The following EYS variants were observed in gnomAD, a reference collection of about 807,000 sequenced individuals.
EYS encodes the protein EGF-like photoreceptor maintenance factor, also known as protein eyes shut homolog.
In EYS, 250 loss-of-function variants were observed where a neutral mutation model predicts 282.1. That is an observed-to-expected ratio of 0.89 (90% CI 0.80 to 0.98). The LOEUF (loss-of-function observed/expected upper bound fraction) is 0.98, where lower values mean the gene tolerates loss of function less well. Among genes scored for constraint, EYS ranks in the 50% least tolerant of loss-of-function variants. EYS has a pLI of 0.00. For synonymous variants in EYS, 1,355 were observed against 1,282.9 expected (o/e 1.06, Z -1.20); for missense variants, 4,016 against 3,709.0 (o/e 1.08, Z -2.15).
chr6:65,615,637 A>C (rs986934490), intron 2 of EYS, among the ~76,000 whole-genome samples: 13 of 152,188 alleles, frequency 8.5e-5, no homozygotes, highest in African/African-American at 3.1e-4. Flanking sequence ...ATGGTTACTT[A>C]GCAAAAAAAG....
chr6:64,859,725 T>G (rs570072982), intron 19 of EYS, among the ~76,000 whole-genome samples: 1 of 152,238 alleles, frequency 6.6e-6, no homozygotes, highest in Admixed American at 6.5e-5. Flanking sequence ...CACGTGGAAC[T>G]GTAAGTCTGT....
At chr6:64,093,993 T>C (rs899806650) in intron 31 of EYS, among the ~76,000 whole-genome samples, 2 of 152,212 alleles carry the variant, frequency 1.3e-5, no homozygotes, top group African/African-American at 2.4e-5. Flanking sequence ...AAAGACCTTT[T>C]CTGCATCTAT....
intron 1 of EYS, among the ~76,000 whole-genome samples, chr6:65,706,858 C>T (rs1769897416): frequency 6.6e-6 from 1 of 152,082 alleles, no homozygotes; most frequent in Admixed American, 6.6e-5. Flanking sequence ...CTCTAGCAAT[C>T]CCCCAAATCC....
intron 7 of EYS, among the ~76,000 whole-genome samples, chr6:65,397,392 T>C (rs1266132913): frequency 6.6e-6 from 1 of 151,856 alleles, no homozygotes; most frequent in Admixed American, 6.6e-5. Flanking sequence ...CCTTTTAGAG[T>C]CTCCAATATC....
intron 2 of EYS, among the ~76,000 whole-genome samples, chr6:65,517,389 T>C (rs1767181670): frequency 6.6e-6 from 1 of 151,538 alleles, no homozygotes; most frequent in South Asian, 2.1e-4. Context: ...TTTGAATAAC[T>C]AAAATCAATC....
At chr6:64,917,975 G>A (rs1318021716) in intron 15 of EYS, among the ~76,000 whole-genome samples, 2 of 151,926 alleles carry the variant, frequency 1.3e-5, no homozygotes, top group African/African-American at 4.8e-5. Flanking sequence ...TGGGGACATA[G>A]GAAAGGGAAG....
chr6:64,073,527 G>A (rs995210082), intron 32 of EYS, among the ~76,000 whole-genome samples: 6 of 151,486 alleles, frequency 4.0e-5, no homozygotes, highest in African/African-American at 1.5e-4. Context: ...ACACAATTAT[G>A]GTAAAAATTA....
chr6:64,074,986 G>A (rs1424696444), intron 32 of EYS, among the ~76,000 whole-genome samples: 5 of 151,890 alleles, frequency 3.3e-5, no homozygotes, highest in Non-Finnish European at 7.4e-5. Context: ...ATCTACTGAC[G>A]TTTCAATCAG....
At chr6:64,697,598 T>G (rs948484337) in intron 22 of EYS, among the ~76,000 whole-genome samples, 2 of 152,128 alleles carry the variant, frequency 1.3e-5, no homozygotes, top group Non-Finnish European at 2.9e-5. Context: ...TTGTCCTCAG[T>G]GCATGGAATA....
At chr6:64,807,053 A>T (rs1764451870) in intron 22 of EYS, among the ~76,000 whole-genome samples, 1 of 152,166 alleles carries the variant, frequency 6.6e-6, no homozygotes, top group Non-Finnish European at 1.5e-5. Context: ...TTAAAATGCT[A>T]TTAAAGTGTT....
chr6:65,684,091 C>T (rs1424267784), intron 1 of EYS, among the ~76,000 whole-genome samples: 1 of 151,840 alleles, frequency 6.6e-6, no homozygotes, highest in African/African-American at 2.4e-5. Context: ...ATGATACTTG[C>T]CAATCAATTT....
intron 31 of EYS, among the ~76,000 whole-genome samples, chr6:64,227,526 A>G (rs1385787148): frequency 1.3e-5 from 2 of 152,108 alleles, no homozygotes; most frequent in Non-Finnish European, 2.9e-5. Context: ...CATTTCTACC[A>G]TGTACAGACT....
chr6:65,232,175 C>T (rs1766799748), intron 12 of EYS, among the ~76,000 whole-genome samples: 1 of 151,960 alleles, frequency 6.6e-6, no homozygotes, highest in Non-Finnish European at 1.5e-5. Flanking sequence ...TTGCATATGT[C>T]TATGTTTATG....
intron 19 of EYS, among the ~76,000 whole-genome samples, chr6:64,855,029 T>C (rs1766009556): frequency 6.6e-6 from 1 of 152,154 alleles, no homozygotes. Flanking sequence ...CTGACAAAAG[T>C]CAACTGTTTT....
At chr6:64,428,897 T>G (rs1774496474) in intron 28 of EYS, among the ~76,000 whole-genome samples, 1 of 152,140 alleles carries the variant, frequency 6.6e-6, no homozygotes, top group African/African-American at 2.4e-5. Flanking sequence ...TACAATAGCT[T>G]CCCAGTAATT....
intron 37 of EYS, among the ~76,000 whole-genome samples, chr6:63,795,035 G>A (rs1027548801): frequency 1.3e-5 from 2 of 152,186 alleles, no homozygotes; most frequent in African/African-American, 4.8e-5. Flanking sequence ...AGCATATCAA[G>A]ATCTGGGAAG....
chr6:63,840,033 C>A (rs1234182431), intron 36 of EYS, among the ~76,000 whole-genome samples: 1 of 148,218 alleles, frequency 6.7e-6, no homozygotes, highest in Non-Finnish European at 1.5e-5. Context: ...GTCTATTCAG[C>A]TCATTTGCCC....
At chr6:64,205,419 A>T (rs895006249) in intron 31 of EYS, among the ~76,000 whole-genome samples, 1 of 152,134 alleles carries the variant, frequency 6.6e-6, no homozygotes, top group Non-Finnish European at 1.5e-5. Flanking sequence ...GACGATAATG[A>T]CCTGATGGAT....
chr6:65,353,448 A>C lies in EYS; in HGVS notation c.1459+10T>G. On this transcript the variant is annotated intron_variant, in intron 9 of 42. Coordinates refer to ENST00000503581, the MANE Select transcript of EYS (RefSeq NM_001142800.2). Reference sequence around the variant, plus strand: ...CAAGCAGATTGAAAAAAATTACATAAATTTGTTACCTGCAAATCCCAATTG... The same window carrying C: ...CAAGCAGATTGAAAAAAATTACATACATTTGTTACCTGCAAATCCCAATTG... 1 of 1,612,356 alleles carries C rather than the reference A, an allele frequency of 6.2e-7. No individual in the cohort carries two copies. The highest frequency in any genetic ancestry group is 1.1e-5 in the South Asian group (1 of 91,000).
Sources: allele counts gnomAD v4.1 joint callset (sites outside exome capture counted in the v4.1 genomes callset), GRCh38; gene constraint gnomAD v4.1.1; transcripts MANE v1.5; gene names NCBI Gene and HGNC (gene_info 2026-07-23, HGNC 2026-07-21).